LUC7L2: variants seen among roughly 807,000 people sequenced by gnomAD.
LUC7L2 encodes putative RNA-binding protein Luc7-like 2.
In LUC7L2, 25 loss-of-function variants were observed where a neutral mutation model predicts 52.8. The ratio of observed to expected loss-of-function variants is 0.47; its 90% CI spans 0.34 to 0.66. The LOEUF (loss-of-function observed/expected upper bound fraction) is 0.66. LUC7L2 is among the 30% of genes least tolerant of loss of function. LUC7L2 has a pLI of 0.01. For synonymous variants in LUC7L2, 144 were observed against 160.9 expected (o/e 0.89, Z 0.80); for missense variants, 328 against 497.8 (o/e 0.66, Z 3.25).
upstream of LUC7L2, chr7:139,359,579 G>A (rs1799744816): frequency 2.7e-6 from 1 of 376,802 alleles, no homozygotes; most frequent in South Asian, 1.4e-4. Flanking sequence ...TTCCGCCCAG[G>A]CTAACCTCTA....
chr7:139,415,573 CTTTTTTTT>C (rs376954972), intron 8 of LUC7L2, among the ~76,000 whole-genome samples: 3 of 116,202 alleles, frequency 2.6e-5, no homozygotes, highest in Non-Finnish European at 3.5e-5. Context: ...GGAAATAACG[CTTTTTTTT>C]TTTTTTTTTT....
chr7:139,368,364 G>GT (rs1364570533), intron 1 of LUC7L2, among the ~76,000 whole-genome samples: 1 of 152,218 alleles, frequency 6.6e-6, no homozygotes, highest in Non-Finnish European at 1.5e-5. Context: ...TTAAAAAAAT[G>GT]TTTTAAAAAG....
intron 2 of LUC7L2, among the ~76,000 whole-genome samples, chr7:139,383,772 C>T (rs192618947): frequency 2.3e-4 from 26 of 114,450 alleles, no homozygotes; most frequent in Non-Finnish European, 3.6e-4. Context: ...ATTGCTCTTT[C>T]GCCTAGGCTG....
intron 1 of LUC7L2, chr7:139,345,853 C>T: frequency 1.2e-6 from 1 of 859,124 alleles, no homozygotes; most frequent in Non-Finnish European, 1.7e-6. Flanking sequence ...GACATTTCAT[C>T]TTTACTCTCA....
chr7:139,420,771 A>G (rs1438936991), intron 9 of LUC7L2, among the ~76,000 whole-genome samples: 1 of 152,024 alleles, frequency 6.6e-6, no homozygotes, highest in Non-Finnish European at 1.5e-5. Flanking sequence ...GGACTAGTGT[A>G]GACGTGGAAT....
intron 1 of LUC7L2, among the ~76,000 whole-genome samples, chr7:139,350,214 C>T (rs545081636): frequency 1.1e-4 from 17 of 151,962 alleles, no homozygotes; most frequent in Non-Finnish European, 2.1e-4. Flanking sequence ...CTCCGCCTCC[C>T]GGGTTCACGC....
intron 2 of LUC7L2, among the ~76,000 whole-genome samples, chr7:139,388,129 G>C (rs1487112677): frequency 6.6e-6 from 1 of 151,794 alleles, no homozygotes; most frequent in Non-Finnish European, 1.5e-5. Context: ...CCTGCTTTCT[G>C]TACTATTGAA....
At chr7:139,364,596 G>A (rs1800052697) in intron 1 of LUC7L2, among the ~76,000 whole-genome samples, 1 of 152,118 alleles carries the variant, frequency 6.6e-6, no homozygotes, top group Non-Finnish European at 1.5e-5. Flanking sequence ...TATAGTTTGT[G>A]GGATATAAAA....
chr7:139,366,484 T>C (rs909838165), intron 1 of LUC7L2, among the ~76,000 whole-genome samples: 4 of 116,390 alleles, frequency 3.4e-5, no homozygotes, highest in Non-Finnish European at 6.4e-5. Context: ...AAAGTAACTT[T>C]AATAGTTTAA....
chr7:139,373,884 A>T (rs564711965), intron 1 of LUC7L2, among the ~76,000 whole-genome samples: 30 of 152,318 alleles, frequency 2.0e-4, no homozygotes, highest in African/African-American at 6.3e-4. Context: ...TAGCAGGAAG[A>T]CTTATTAGAT....
intron 1 of LUC7L2, among the ~76,000 whole-genome samples, chr7:139,343,922 T>TC (rs371902805): frequency 4.3e-5 from 3 of 70,066 alleles, no homozygotes; most frequent in Admixed American, 3.0e-4. Context: ...TGAGACCCTG[T>TC]CCCCAAAAAA....
intron 2 of LUC7L2, among the ~76,000 whole-genome samples, chr7:139,377,488 G>T (rs1227404923): frequency 2.0e-5 from 3 of 152,130 alleles, no homozygotes; most frequent in African/African-American, 7.2e-5. Context: ...CTGCCTCCTG[G>T]GTTCAAGCGA....
chr7:139,409,451 A>G (rs1795260332), intron 6 of LUC7L2, 112 bp from the exon 7 acceptor site: 2 of 1,249,486 alleles, frequency 1.6e-6, no homozygotes, highest in East Asian at 6.0e-5. Context: ...ATTATTAAAC[A>G]GATTTTGACA....
At chr7:139,373,322 T>C (rs1355553538) in intron 1 of LUC7L2, among the ~76,000 whole-genome samples, 4 of 152,218 alleles carry the variant, frequency 2.6e-5, no homozygotes. Context: ...TTTAAAAATA[T>C]CAATAAACAG....
At chr7:139,345,671 C>G in intron 1 of LUC7L2, 1 of 1,614,108 alleles carries the variant, frequency 6.2e-7, no homozygotes, top group Non-Finnish European at 8.5e-7. Context: ...TCAAGTTGCC[C>G]CATCAGCCTG....
At chr7:139,367,287 T>C (rs1227429669) in intron 1 of LUC7L2, among the ~76,000 whole-genome samples, 2 of 152,164 alleles carry the variant, frequency 1.3e-5, no homozygotes, top group Non-Finnish European at 2.9e-5. Context: ...TTTATTATTA[T>C]TTACTGTTTT....
At chr7:139,418,325 G>A (rs10278377) in intron 9 of LUC7L2, among the ~76,000 whole-genome samples, 58,417 of 152,074 alleles carry the variant, frequency 0.38, 15,645 homozygotes, top group African/African-American at 0.76. Flanking sequence ...ATCTATTAAG[G>A]ATAGACAAAG....
At chr7:139,382,492 C>G (rs936832144) in intron 2 of LUC7L2, among the ~76,000 whole-genome samples, 3 of 152,074 alleles carry the variant, frequency 2.0e-5, no homozygotes, top group African/African-American at 7.2e-5. Flanking sequence ...GAGTGATTTT[C>G]CTGCTAGTCT....
intron 1 of LUC7L2, among the ~76,000 whole-genome samples, chr7:139,361,902 A>C (rs899641850): frequency 1.3e-5 from 2 of 152,148 alleles, no homozygotes; most frequent in South Asian, 2.1e-4. Context: ...CATTTTTGGG[A>C]TCTTCTTCAT....
Sources: gnomAD v4.1 joint callset for allele counts (sites outside exome capture counted in the v4.1 genomes callset) on GRCh38, gnomAD v4.1.1 for gene constraint, MANE v1.5 for transcripts, NCBI Gene and HGNC (gene_info 2026-07-23, HGNC 2026-07-21) for gene names.